The following TANC2 variants were observed in gnomAD, a reference collection of about 807,000 sequenced individuals.
The protein encoded by TANC2 is tetratricopeptide repeat, ankyrin repeat and coiled-coil containing 2, also known as protein TANC2.
A neutral mutation model predicts 210.5 loss-of-function variants in TANC2; 26 were observed. The ratio of observed to expected loss-of-function variants is 0.12; its 90% CI spans 0.09 to 0.17. The LOEUF is 0.17. TANC2 is among the 10% of genes least tolerant of loss of function. TANC2 has a pLI of 1.00. For missense variants in TANC2, 2,129 were observed against 2,608.9 expected, an observed-to-expected ratio of 0.82 and a Z score of 4.01; for synonymous variants, 931 against 967.1, an observed-to-expected ratio of 0.96 and a Z score of 0.69.
Position 63,145,215 on chromosome 17 carries a change from G to C in TANC2, c.323-6055G>C, listed in dbSNP as rs560424718. On this transcript the variant is annotated intron_variant, in intron 4 of 27. Coordinates refer to ENST00000689528, the Ensembl canonical transcript of TANC2. ...AGCACATTAGATAGGGTAGGAGGAT[G>C]CCCTTCCCACCTATTTCCAGATTTT... Among the ~76,000 whole-genome samples the C allele has an allele frequency of 3.5e-4, 54 of 152,174 alleles. 1 individual carries two copies. The South Asian group carries it at 0.011, about 31-fold the overall frequency.
intron 14 of TANC2, 55 bp downstream of exon 14, chr17:63,355,445 G>A: frequency 2.7e-6 from 4 of 1,463,636 alleles, no homozygotes; most frequent in Non-Finnish European, 3.6e-6. Flanking sequence ...TTTATTGCAT[G>A]GAGTGTGAGT....
At chr17:63,340,411 GATTTT>G (rs2146790468) in intron 12 of TANC2, 79 bp downstream of exon 12, 1 of 1,193,022 alleles carries the variant, frequency 8.4e-7, no homozygotes, top group African/African-American at 1.5e-5. Context: ...AAAAATGATT[GATTTT>G]ATCACATTGC....
chr17:63,131,155 C>G (rs1214211461), intron 4 of TANC2, among the ~76,000 whole-genome samples: 1 of 152,156 alleles, frequency 6.6e-6, no homozygotes, highest in Non-Finnish European at 1.5e-5. Flanking sequence ...TTACTGTGGA[C>G]TGTGTTGTAG....
At chr17:63,079,917 A>G (rs190748954) in intron 3 of TANC2, among the ~76,000 whole-genome samples, 1 of 152,288 alleles carries the variant, frequency 6.6e-6, no homozygotes, top group East Asian at 1.9e-4. Flanking sequence ...TGCTTATTAT[A>G]TGTAGGAGAT....
intron 9 of TANC2, among the ~76,000 whole-genome samples, chr17:63,272,238 T>C (rs187827629): frequency 6.6e-6 from 1 of 152,296 alleles, no homozygotes; most frequent in Non-Finnish European, 1.5e-5. Context: ...CTTGTTTTTG[T>C]CAGTTTTATT....
chr17:63,319,056 G>A (rs778411760), exon 11 of TANC2: 40 of 1,613,304 alleles, frequency 2.5e-5, no homozygotes, highest in Middle Eastern at 1.7e-4. Context: ...ATGCGCAGGC[G>A]GCAGGAGGAG....
intron 4 of TANC2, among the ~76,000 whole-genome samples, chr17:63,124,485 C>G (rs1437450652): frequency 6.6e-6 from 1 of 152,050 alleles, no homozygotes; most frequent in Non-Finnish European, 1.5e-5. Context: ...CTGCAGTGGT[C>G]TACATTTGGC....
chr17:63,234,353 G>C (rs868690485), intron 7 of TANC2, among the ~76,000 whole-genome samples: 1 of 151,986 alleles, frequency 6.6e-6, no homozygotes, highest in African/African-American at 2.4e-5. Flanking sequence ...CAGTTTCTTG[G>C]CTTAAATAAT....
At chr17:63,061,089 A>G (rs239358) in intron 2 of TANC2, among the ~76,000 whole-genome samples, 90,123 of 151,876 alleles carry the variant, frequency 0.59, 29,362 homozygotes, top group African/African-American at 0.87. Context: ...GATTATGGCC[A>G]GGCACGGTGG....
At position 63,288,357 on chromosome 17, in the gene TANC2, C is replaced by T. The variant is rs574067571; in HGVS notation, c.1159+20484C>T. Among the ~76,000 whole-genome samples the T allele has an allele frequency of 7.9e-5, 12 of 152,276 alleles. No homozygotes were observed. In the South Asian group the frequency reaches 2.5e-3, roughly 32 times the overall value. ...CCAGCTATCTTTCTGTTATTGGTTT[C>T]TAATAATTCCATTGTGATCTGAGAG... On this transcript the variant is annotated intron_variant, in intron 9 of 27. Transcript: ENST00000689528.
intron 4 of TANC2, among the ~76,000 whole-genome samples, chr17:63,123,944 A>G (rs1018070209): frequency 1.3e-5 from 2 of 151,690 alleles, no homozygotes; most frequent in Admixed American, 6.6e-5. Context: ...CTTGTGATCC[A>G]CCCGCCTTGG....
intron 9 of TANC2, among the ~76,000 whole-genome samples, chr17:63,269,022 TATTC>T (rs2043616148): frequency 6.6e-6 from 1 of 152,182 alleles, no homozygotes; most frequent in African/African-American, 2.4e-5. Flanking sequence ...CCCCTTGTCC[TATTC>T]CCTACTCTAA....
intron 5 of TANC2, among the ~76,000 whole-genome samples, chr17:63,177,836 G>T (rs942138564): frequency 6.6e-6 from 1 of 152,146 alleles, no homozygotes; most frequent in African/African-American, 2.4e-5. Flanking sequence ...TCGTAAGATC[G>T]CATTGTCCAA....
chr17:63,211,500 C>T (rs967484554), intron 7 of TANC2, among the ~76,000 whole-genome samples: 4 of 151,892 alleles, frequency 2.6e-5, no homozygotes, highest in African/African-American at 9.7e-5. Context: ...AGATTATCTC[C>T]TCTAATCTTT....
chr17:63,333,265 T>A (rs1394902022), intron 11 of TANC2, among the ~76,000 whole-genome samples: 1 of 152,182 alleles, frequency 6.6e-6, no homozygotes, highest in East Asian at 1.9e-4. Context: ...TAGATGCCAT[T>A]AAGAACATCT....
chr17:63,372,496 T>A (rs543159421), intron 14 of TANC2, among the ~76,000 whole-genome samples: 10 of 152,312 alleles, frequency 6.6e-5, no homozygotes, highest in Admixed American at 2.6e-4. Context: ...TTGTGGTTAC[T>A]GGTCATTCCT....
At chr17:63,323,230 C>T (rs1436135130) in intron 11 of TANC2, among the ~76,000 whole-genome samples, 1 of 152,166 alleles carries the variant, frequency 6.6e-6, no homozygotes, top group East Asian at 1.9e-4. Context: ...AAAAATCTCT[C>T]AATTTGACAT....
chr17:63,210,148 A>G (rs1473524487), intron 7 of TANC2, among the ~76,000 whole-genome samples: 1 of 152,210 alleles, frequency 6.6e-6, no homozygotes, highest in African/African-American at 2.4e-5. Context: ...CTTATAAAAT[A>G]GGTTGAGCTC....
At chr17:63,110,976 G>T (rs986374888) in intron 4 of TANC2, among the ~76,000 whole-genome samples, 1 of 152,126 alleles carries the variant, frequency 6.6e-6, no homozygotes, top group Non-Finnish European at 1.5e-5. Flanking sequence ...TACCTGTATT[G>T]TATTATTGGT....
Sources: gnomAD v4.1 joint callset for allele counts (sites outside exome capture counted in the v4.1 genomes callset) on GRCh38, gnomAD v4.1.1 for gene constraint, MANE v1.5 for transcripts, NCBI Gene and HGNC (gene_info 2026-07-23, HGNC 2026-07-21) for gene names.